VAV3: variants seen among roughly 807,000 people sequenced by gnomAD.
VAV3 encodes the protein guanine nucleotide exchange factor VAV3.
VAV3 carries 94 observed loss-of-function variants against 131.2 expected under a neutral mutation model. The ratio of observed to expected loss-of-function variants is 0.72; its 90% CI spans 0.61 to 0.85. The LOEUF is 0.85. VAV3 is among the 40% of genes least tolerant of loss of function. The pLI is 0.00. For synonymous variants in VAV3, 349 were observed against 342.0 expected, an observed-to-expected ratio of 1.02 and a Z score of -0.22; for missense variants, 939 against 1,002.7, an observed-to-expected ratio of 0.94 and a Z score of 0.86.
intron 1 of VAV3, among the ~76,000 whole-genome samples, chr1:107,942,389 G>A (rs555034963): frequency 6.6e-6 from 1 of 152,254 alleles, no homozygotes; most frequent in Non-Finnish European, 1.5e-5. Context: ...TCCAGCCCTT[G>A]GCCTTACAAA....
intron 15 of VAV3, among the ~76,000 whole-genome samples, chr1:107,718,041 T>C (rs569511526): frequency 1.7e-3 from 255 of 152,256 alleles, no homozygotes; most frequent in African/African-American, 5.6e-3. Flanking sequence ...GTCTGTTTCA[T>C]TGATGGAACG....
chr1:107,632,742 T>G (rs1033148386), intron 20 of VAV3, among the ~76,000 whole-genome samples: 2 of 152,200 alleles, frequency 1.3e-5, no homozygotes, highest in East Asian at 3.8e-4. Context: ...AGTGTCTGAG[T>G]AGTGAACAGA....
intron 1 of VAV3, among the ~76,000 whole-genome samples, chr1:107,905,340 T>A (rs1672052239): frequency 6.6e-6 from 1 of 152,202 alleles, no homozygotes; most frequent in Non-Finnish European, 1.5e-5. Context: ...TGCACATGGT[T>A]AAAGACTGGT....
chr1:107,575,945 C>T (rs141135543), intron 25 of VAV3, among the ~76,000 whole-genome samples: 5 of 152,140 alleles, frequency 3.3e-5, no homozygotes, highest in East Asian at 1.9e-4. Flanking sequence ...AATTCATGGG[C>T]GCCAGTCATC....
intron 17 of VAV3, among the ~76,000 whole-genome samples, chr1:107,702,747 A>G (rs993984508): frequency 6.6e-6 from 1 of 151,496 alleles, no homozygotes; most frequent in African/African-American, 2.4e-5. Flanking sequence ...ATCCACGTGT[A>G]CTCCAGATCA....
intron 2 of VAV3, among the ~76,000 whole-genome samples, chr1:107,784,733 C>A (rs552713238): frequency 6.6e-6 from 1 of 152,298 alleles, no homozygotes; most frequent in African/African-American, 2.4e-5. Flanking sequence ...AGGCTCACAG[C>A]AACCACTTAA....
intron 2 of VAV3, among the ~76,000 whole-genome samples, chr1:107,805,421 C>A (rs1277297753): frequency 6.6e-6 from 1 of 152,136 alleles, no homozygotes; most frequent in African/African-American, 2.4e-5. Context: ...CTTTCCTCTG[C>A]CTGAGCAATT....
Position 107,779,419 on chromosome 1 carries a change from G to A in VAV3, c.380+15C>T, listed in dbSNP as rs748654447. On this transcript the variant is annotated intron_variant, in intron 3 of 26. Coordinates refer to ENST00000370056, the MANE Select transcript of VAV3 (RefSeq NM_006113.5). ...GAACTCAATGGGACACATGAACAAC[G>A]AAAACAGAGCTTACCTGATTCCTGT... is the stretch of plus-strand genomic sequence containing the variant. The A allele has an allele frequency of 1.1e-5, 17 of 1,570,224 alleles. No individual in the cohort carries two copies. The highest frequency in any genetic ancestry group is 1.7e-4 in the Middle Eastern group (1 of 5,946).
intron 20 of VAV3, among the ~76,000 whole-genome samples, chr1:107,625,699 T>C (rs968181213): frequency 6.6e-6 from 1 of 152,230 alleles, no homozygotes; most frequent in Non-Finnish European, 1.5e-5. Context: ...ATTGCATTCA[T>C]TGATTCATTC....
chr1:107,826,228 G>A (rs1327244128), intron 2 of VAV3, among the ~76,000 whole-genome samples: 1 of 152,126 alleles, frequency 6.6e-6, no homozygotes, highest in East Asian at 1.9e-4. Context: ...CTATCTACAC[G>A]ATTAGGTTAT....
chr1:107,887,717 G>A (rs1226360016), intron 1 of VAV3, among the ~76,000 whole-genome samples: 2 of 152,096 alleles, frequency 1.3e-5, no homozygotes, highest in Non-Finnish European at 1.5e-5. Context: ...ACTTCTGAAT[G>A]GTACCACTAC....
chr1:107,595,512 A>C (rs1020720264), intron 25 of VAV3, among the ~76,000 whole-genome samples: 2 of 152,218 alleles, frequency 1.3e-5, no homozygotes, highest in African/African-American at 2.4e-5. Context: ...AAGTGATATC[A>C]GATTAAGAAA....
chr1:107,913,615 T>C (rs1672467258), intron 1 of VAV3, among the ~76,000 whole-genome samples: 1 of 152,092 alleles, frequency 6.6e-6, no homozygotes, highest in Non-Finnish European at 1.5e-5. Flanking sequence ...AATCATGAAA[T>C]ACATAAGTAC....
intron 15 of VAV3, among the ~76,000 whole-genome samples, chr1:107,710,760 T>C (rs945133672): frequency 3.3e-5 from 5 of 152,144 alleles, no homozygotes; most frequent in Admixed American, 2.0e-4. Flanking sequence ...TAGTTAGCGA[T>C]ATCATGACTC....
intron 2 of VAV3, 46 bp from the exon 3 acceptor site, chr1:107,779,538 A>G: frequency 6.8e-7 from 1 of 1,478,112 alleles, no homozygotes; most frequent in Non-Finnish European, 9.0e-7. Flanking sequence ...TTCAGAAAAT[A>G]TAAGATTTCT....
intron 1 of VAV3, among the ~76,000 whole-genome samples, chr1:107,923,298 A>C (rs1046764910): frequency 3.9e-5 from 6 of 152,130 alleles, no homozygotes; most frequent in African/African-American, 1.4e-4. Context: ...CTACCCACAG[A>C]ATTTGCTATG....
chr1:107,686,610 G>C (rs985552305), intron 18 of VAV3, among the ~76,000 whole-genome samples: 1 of 151,846 alleles, frequency 6.6e-6, no homozygotes, highest in Non-Finnish European at 1.5e-5. Context: ...ACTAGCCTCA[G>C]AGCTTACTAT....
chr1:107,749,379 A>C, intron 14 of VAV3, 83 bp downstream of exon 14: 1 of 1,398,254 alleles, frequency 7.2e-7, no homozygotes, highest in Non-Finnish European at 9.6e-7. Flanking sequence ...GATAAGCCAT[A>C]TCTCACATTA....
intron 1 of VAV3, among the ~76,000 whole-genome samples, chr1:107,879,419 T>C (rs992609854): frequency 6.6e-6 from 1 of 152,166 alleles, no homozygotes; most frequent in Non-Finnish European, 1.5e-5. Context: ...ATAATTTTCT[T>C]TGTGGAGTGC....
Sources: allele counts gnomAD v4.1 joint callset (sites outside exome capture counted in the v4.1 genomes callset), GRCh38; gene constraint gnomAD v4.1.1; transcripts MANE v1.5; gene names NCBI Gene and HGNC (gene_info 2026-07-23, HGNC 2026-07-21).